The following MTUS2 variants were observed in gnomAD, a reference collection of about 807,000 sequenced individuals.
MTUS2 encodes microtubule-associated tumor suppressor candidate 2.
MTUS2 carries 40 observed loss-of-function variants against 114.1 expected under a neutral mutation model. The observed-to-expected ratio is 0.35, with a 90% CI of 0.27 to 0.46. The LOEUF is 0.46. MTUS2 is among the 20% of genes least tolerant of loss of function. The pLI is 1.00. For missense variants in MTUS2, 1,679 were observed against 1,705.4 expected, an observed-to-expected ratio of 0.98 and a Z score of 0.27; for synonymous variants, 688 against 672.0, an observed-to-expected ratio of 1.02 and a Z score of -0.37.
chr13:29,142,691 G>A (rs111847792), intron 5 of MTUS2, among the ~76,000 whole-genome samples: 1 of 152,318 alleles, frequency 6.6e-6, no homozygotes, highest in African/African-American at 2.4e-5. Flanking sequence ...GGGCAACAGA[G>A]TGAGACTGTC....
intron 5 of MTUS2, among the ~76,000 whole-genome samples, chr13:29,268,363 C>T (rs1566100765): frequency 6.6e-6 from 1 of 152,168 alleles, no homozygotes; most frequent in Non-Finnish European, 1.5e-5. Flanking sequence ...AGTCAAGGGA[C>T]AGGGAGAGAC....
At chr13:28,996,379 C>T (rs1467143565) in intron 2 of MTUS2, among the ~76,000 whole-genome samples, 1 of 152,102 alleles carries the variant, frequency 6.6e-6, no homozygotes, top group Admixed American at 6.6e-5. Flanking sequence ...TGTGTCTCTG[C>T]CAGGCTTTGG....
intron 11 of MTUS2, among the ~76,000 whole-genome samples, chr13:29,491,980 GGTGT>G (rs1165772957): frequency 7.1e-6 from 1 of 141,670 alleles, no homozygotes; most frequent in Non-Finnish European, 1.5e-5. Flanking sequence ...GTGTGTGGTA[GGTGT>G]GTGTGGTGTA....
chr13:29,374,238 C>T (rs73170730), intron 8 of MTUS2, among the ~76,000 whole-genome samples: 79 of 147,452 alleles, frequency 5.4e-4, no homozygotes, highest in African/African-American at 1.9e-3. Flanking sequence ...TTGTAATAGG[C>T]GTTCCAGAGA....
chr13:29,482,468 G>A (rs1488386908), intron 10 of MTUS2: 2 of 152,230 alleles, frequency 1.3e-5, no homozygotes, highest in African/African-American at 2.4e-5. Flanking sequence ...ACGCTCTGTT[G>A]TATGAGAGCC....
At chr13:29,478,490 G>C (rs968210605) in intron 9 of MTUS2, among the ~76,000 whole-genome samples, 1 of 152,082 alleles carries the variant, frequency 6.6e-6, no homozygotes, top group Non-Finnish European at 1.5e-5. Flanking sequence ...GCCCTCAAGA[G>C]TTCAAAAACC....
At chr13:28,856,782 C>T (rs149778235) in intron 2 of MTUS2, among the ~76,000 whole-genome samples, 2 of 152,322 alleles carry the variant, frequency 1.3e-5, no homozygotes, top group East Asian at 1.9e-4. Flanking sequence ...ACAGAAGCCT[C>T]CCTACCCCGC....
At chr13:29,041,895 A>G (rs994488389) in intron 4 of MTUS2, among the ~76,000 whole-genome samples, 2 of 152,174 alleles carry the variant, frequency 1.3e-5, no homozygotes, top group African/African-American at 2.4e-5. Context: ...TAGGTACACC[A>G]TTATATCATT....
chr13:29,000,343 G>T (rs925491412), intron 2 of MTUS2, among the ~76,000 whole-genome samples: 1 of 151,982 alleles, frequency 6.6e-6, no homozygotes, highest in African/African-American at 2.4e-5. Flanking sequence ...TAGGATTCTT[G>T]GTTGACAGTG....
chr13:29,168,523 AGT>A (rs1333630243), intron 5 of MTUS2, among the ~76,000 whole-genome samples: 1 of 152,212 alleles, frequency 6.6e-6, no homozygotes, highest in Non-Finnish European at 1.5e-5. Flanking sequence ...TAACAACTAC[AGT>A]GTCAGAGCAA....
intron 5 of MTUS2, among the ~76,000 whole-genome samples, chr13:29,200,547 T>A (rs1894906197): frequency 1.3e-5 from 1 of 76,196 alleles, no homozygotes; most frequent in African/African-American, 5.8e-5. Flanking sequence ...TGAGATGGAG[T>A]TTTGCTCTTG....
At chr13:29,217,784 C>A (rs1329483264) in intron 5 of MTUS2, among the ~76,000 whole-genome samples, 1 of 152,140 alleles carries the variant, frequency 6.6e-6, no homozygotes, top group Admixed American at 6.5e-5. Flanking sequence ...CTATATCAAC[C>A]AAGTTTATCT....
intron 2 of MTUS2, among the ~76,000 whole-genome samples, chr13:28,875,326 A>G (rs1877866686): frequency 6.6e-6 from 1 of 152,248 alleles, no homozygotes; most frequent in Admixed American, 6.5e-5. Context: ...CTTGGTACAT[A>G]ATGGATGCTC....
intron 2 of MTUS2, among the ~76,000 whole-genome samples, chr13:28,912,936 C>A (rs531506297): frequency 6.6e-6 from 1 of 151,742 alleles, no homozygotes; most frequent in Non-Finnish European, 1.5e-5. Flanking sequence ...TGCTAAATGA[C>A]GAGTTAATGG....
chr13:28,865,190 C>T (rs1022745383), intron 2 of MTUS2, among the ~76,000 whole-genome samples: 11 of 152,226 alleles, frequency 7.2e-5, no homozygotes, highest in Admixed American at 1.3e-4. Context: ...ATGGCTCCTA[C>T]GACCCTTGAG....
chr13:29,266,847 A>G (rs1897685434), intron 5 of MTUS2, among the ~76,000 whole-genome samples: 1 of 152,218 alleles, frequency 6.6e-6, no homozygotes. Context: ...GTATGAAGTA[A>G]GTAGGACAGG....
At chr13:29,435,337 A>T (rs1199806852) in intron 8 of MTUS2, among the ~76,000 whole-genome samples, 3 of 152,206 alleles carry the variant, frequency 2.0e-5, no homozygotes, top group Non-Finnish European at 2.9e-5. Context: ...GAGCTCATGT[A>T]CTTGGCACTC....
rs1378487770 is a variant in MTUS2 at position 29,483,247 on chromosome 13, T to G, written c.3399+2883T>G. Among the ~76,000 whole-genome samples, 4 of 152,336 alleles carry G rather than the reference T, an allele frequency of 2.6e-5. No individual in the cohort carries two copies. In the South Asian group the frequency reaches 6.2e-4, roughly 24 times the overall value. On this transcript the variant is annotated intron_variant, in intron 10 of 15. Transcript: ENST00000612955. ...GCAGCAGGGGCAGGTGCTGCTTCAGTTCTGACACGCAGGATTTTCTGAGGC... is the reference window on the plus strand; with the variant it reads ...GCAGCAGGGGCAGGTGCTGCTTCAGGTCTGACACGCAGGATTTTCTGAGGC...
At chr13:28,996,350 T>G (rs951120459) in intron 2 of MTUS2, among the ~76,000 whole-genome samples, 3 of 152,252 alleles carry the variant, frequency 2.0e-5, no homozygotes, top group Non-Finnish European at 2.9e-5. Flanking sequence ...GATATTGGTC[T>G]AAAATTTTCT....
Sources: gnomAD v4.1 joint callset for allele counts (sites outside exome capture counted in the v4.1 genomes callset) on GRCh38, gnomAD v4.1.1 for gene constraint, MANE v1.5 for transcripts, NCBI Gene and HGNC (gene_info 2026-07-23, HGNC 2026-07-21) for gene names.